The following UPF2 variants were observed in gnomAD, a reference collection of about 807,000 sequenced individuals.
UPF2 encodes the protein regulator of nonsense transcripts 2.
Under a neutral mutation model 141.4 loss-of-function variants are expected in UPF2, and 17 were observed. That is an observed-to-expected ratio of 0.12 (90% CI 0.08 to 0.18). UPF2 has a LOEUF of 0.18. Among genes scored for constraint, UPF2 ranks in the 10% least tolerant of loss-of-function variants. The pLI, the probability that UPF2 is intolerant of heterozygous loss-of-function variation, is 1.00. For missense variants in UPF2, 1,152 were observed against 1,515.9 expected, an observed-to-expected ratio of 0.76 and a Z score of 3.99; for synonymous variants, 540 against 498.0, an observed-to-expected ratio of 1.08 and a Z score of -1.12.
At chr10:11,985,047 T>C (rs1228275708) in intron 8 of UPF2, among the ~76,000 whole-genome samples, 3 of 152,208 alleles carry the variant, frequency 2.0e-5, no homozygotes, top group Non-Finnish European at 4.4e-5. Flanking sequence ...AGTTTTGTGC[T>C]ACCTGTTCAG....
At chr10:11,922,295 C>T (rs909092382) in intron 21 of UPF2, among the ~76,000 whole-genome samples, 1 of 152,156 alleles carries the variant, frequency 6.6e-6, no homozygotes, top group African/African-American at 2.4e-5. Context: ...CATGGCAGCC[C>T]AAGCAGATGA....
rs150175715 is a variant in UPF2, at chr10:11,956,881, C to T, written c.2371-358G>A. Among the ~76,000 whole-genome samples, 15 of 152,180 alleles carry T rather than the reference C, an allele frequency of 9.9e-5. No individual in the cohort carries two copies. The highest frequency in any genetic ancestry group is 9.7e-4 in the East Asian group (5 of 5,168). ...TGTCACCCAGGCTGGAGTGCAGTAG[C>T]GCAATCTTGACTCACTGCAACCTCC... On this transcript the variant is annotated intron_variant, in intron 12 of 21. Transcript: ENST00000357604. The surrounding 1 kb of genome is among the most constrained non-coding windows in gnomAD (Gnocchi z 4.2).
At chr10:12,043,059 C>G (rs552893501), upstream of UPF2, 555 of 152,394 alleles carry the variant, frequency 3.6e-3, 5 homozygotes, top group Non-Finnish European at 5.7e-3. Flanking sequence ...GTGGCGGGTC[C>G]GGGGCAAAGG....
chr10:11,971,548 G>C (rs1002131563), intron 9 of UPF2, among the ~76,000 whole-genome samples: 1 of 151,768 alleles, frequency 6.6e-6, no homozygotes, highest in East Asian at 1.9e-4. Context: ...CACCGCGCCC[G>C]GTCTTCACTC....
intron 2 of UPF2, among the ~76,000 whole-genome samples, chr10:12,032,729 C>A (rs1389787966): frequency 6.9e-6 from 1 of 144,482 alleles, no homozygotes; most frequent in Admixed American, 6.8e-5. Flanking sequence ...CAGAGCAAGA[C>A]CCTGTCTCAA....
At chr10:12,035,618 C>T in intron 1 of UPF2, 177 bp from the exon 2 acceptor site, 1 of 663,066 alleles carries the variant, frequency 1.5e-6, no homozygotes, top group South Asian at 3.4e-5. Context: ...CATTCCACAT[C>T]CTATCATTAT....
chr10:12,042,575 G>A lies in UPF2; in HGVS notation c.-19+180C>T, dbSNP rs935880957. 3.3e-5 allele frequency among the ~76,000 whole-genome samples: 5 copies of A among 152,170 alleles called. No homozygotes were observed. The East Asian group carries it at 7.7e-4, about 24-fold the overall frequency. ...CGCGTTGATGGGAGCCTCGGAGACA[G>A]GGGGTCTGAGGAGAACGACGCCGGA... On this transcript the variant is annotated intron_variant, in intron 1 of 21. Transcript: ENST00000357604. The surrounding 1 kb of genome is among the most constrained non-coding windows in gnomAD (Gnocchi z 5.5).
In UPF2 at chr10:11,990,042, G is replaced by T. The variant is rs148557153; in HGVS notation, c.1844+7630C>A. On this transcript the variant is annotated intron_variant, in intron 8 of 21. Transcript: ENST00000357604. ...TTTTTCAGTTATAGGAAGCTAGAAT[G>T]ATATTAATGTAAGAAAACATGAACT... Among the ~76,000 whole-genome samples the T allele has an allele frequency of 3.3e-4, 51 of 152,292 alleles. No individual in the cohort carries two copies. The East Asian group carries it at 8.5e-3, about 25-fold the overall frequency.
chr10:11,979,376 G>A lies in UPF2; in HGVS notation c.1845-211C>T, dbSNP rs546939603. ...TTAATATTCTGGCATTTTCCATTCCGTGAATTTACTGCACATCTGTAGTTT... is the reference window on the plus strand; with the variant it reads ...TTAATATTCTGGCATTTTCCATTCCATGAATTTACTGCACATCTGTAGTTT... On this transcript the variant is annotated intron_variant, in intron 8 of 21. Transcript: ENST00000357604. The surrounding 1 kb of genome is among the most constrained non-coding windows in gnomAD (Gnocchi z 6.2). Among the ~76,000 whole-genome samples the A allele has an allele frequency of 7.2e-5, 11 of 152,100 alleles. No individual in the cohort carries two copies. In the South Asian group the frequency reaches 1.7e-3, roughly 23 times the overall value.
chr10:11,927,582 T>C (rs1832728872), intron 21 of UPF2, among the ~76,000 whole-genome samples: 3 of 152,174 alleles, frequency 2.0e-5, no homozygotes, highest in Admixed American at 6.5e-5. Flanking sequence ...ACCTAGCTAG[T>C]GTCCACATTT....
Position 11,980,199 on chromosome 10 carries a change from AAAT to A in UPF2, c.1845-1037_1845-1035del, listed in dbSNP as rs1833569245. ...CTAGTTGGAATCAACACACAAGCTA[AAAT>A]TTATTTTCCATTCCTGCCATAGATG... On this transcript the variant is annotated intron_variant, in intron 8 of 21. Transcript: ENST00000357604. This position sits in a 1 kb window ranked among gnomAD's most constrained non-coding sequence, Gnocchi z 4.2. Among the ~76,000 whole-genome samples the A allele has an allele frequency of 6.6e-6, 1 of 152,156 alleles. No homozygotes were observed. The highest frequency in any genetic ancestry group is 1.5e-5 in the Non-Finnish European group (1 of 68,024).
intron 10 of UPF2, among the ~76,000 whole-genome samples, chr10:11,964,451 T>C (rs1833287890): frequency 6.6e-6 from 1 of 152,216 alleles, no homozygotes; most frequent in African/African-American, 2.4e-5. Context: ...TCTATATATT[T>C]ATTTTCCAAA....
chr10:11,951,714 A>T (rs547283879), intron 15 of UPF2, among the ~76,000 whole-genome samples: 68 of 152,312 alleles, frequency 4.5e-4, no homozygotes, highest in African/African-American at 1.5e-3. Context: ...TGCCTGTTGA[A>T]AATATATACG....
At chr10:11,976,989 G>GC (rs1421298450) in intron 9 of UPF2, among the ~76,000 whole-genome samples, 9 of 152,192 alleles carry the variant, frequency 5.9e-5, no homozygotes, top group Non-Finnish European at 1.3e-4. Context: ...TACGATGCTA[G>GC]CATGTGGTGG....
chr10:11,943,018 A>G, intron 17 of UPF2, 46 bp downstream of exon 17: 1 of 1,396,656 alleles, frequency 7.2e-7, no homozygotes, highest in Middle Eastern at 1.8e-4. Context: ...AAATACTATA[A>G]AAATGCTGCA....
In UPF2 at chr10:12,004,604, A is replaced by G; in HGVS notation, c.1430T>C (p.Phe477Ser). The part of the protein sequence containing the change: ...FYENLIDLKA[F>S]VPAILFKDNE... ...GTCTTTAAACAAGATGGCTGGGACA[A>G]AAGCCTTCAAATCAATGAGGTTCTC... Residue 477 changes from phenylalanine to serine, a missense_variant, in exon 5 of 22, where the codon TTT (phenylalanine) becomes TCT (serine). Physicochemically the swap from Phe to Ser is radical, Grantham distance 155. Coordinates refer to ENST00000357604, the MANE Select transcript of UPF2 (RefSeq NM_015542.4). 1 of 1,613,876 alleles carries G rather than the reference A, an allele frequency of 6.2e-7. No homozygotes were observed. The highest frequency in any genetic ancestry group is 8.5e-7 in the Non-Finnish European group (1 of 1,179,890).
At chr10:11,996,313 C>CT (rs567331662) in intron 8 of UPF2, among the ~76,000 whole-genome samples, 432 of 151,136 alleles carry the variant, frequency 2.9e-3, no homozygotes, top group African/African-American at 0.01. Flanking sequence ...ATACTTGCAT[C>CT]TTTTTTTAAT....
Position 11,953,088 on chromosome 10 carries a change from A to C in UPF2, c.2851-839T>G, listed in dbSNP as rs1235759271. ...CATGGTGTGGATATTTTCCCTCTCTACTCCAAGCCTGGTTCCCACATTCTA... is the reference window on the plus strand; with the variant it reads ...CATGGTGTGGATATTTTCCCTCTCTCCTCCAAGCCTGGTTCCCACATTCTA... On this transcript the variant is annotated intron_variant, in intron 14 of 21. Transcript: ENST00000357604. The surrounding 1 kb of genome is among the most constrained non-coding windows in gnomAD (Gnocchi z 5.0). 6.6e-6 allele frequency among the ~76,000 whole-genome samples: 1 copy of C among 151,956 alleles called. No homozygotes were observed. The highest frequency in any genetic ancestry group is 1.5e-5 in the Non-Finnish European group (1 of 67,988).
At chr10:11,938,842 GTTTTTTTTTTGTTTTTTTTTTTTTTTT>G (rs1249743840) in intron 18 of UPF2, among the ~76,000 whole-genome samples, 1 of 45,862 alleles carries the variant, frequency 2.2e-5, no homozygotes, top group African/African-American at 7.0e-5. Context: ...TCTTAAGCAA[GTTTTTTTTTTGTTTTTTTTTTTTTTTT>G]TTTTTTTTTT....
Sources: gnomAD v4.1 joint callset for allele counts (sites outside exome capture counted in the v4.1 genomes callset) on GRCh38, gnomAD v4.1.1 for gene constraint, Gnocchi (gnomAD v3.1) non-coding constraint, MANE v1.5 for transcripts, NCBI Gene and HGNC (gene_info 2026-07-23, HGNC 2026-07-21) for gene names.